The following PTPRD variants were observed in gnomAD, a reference collection of about 807,000 sequenced individuals.
PTPRD encodes the protein receptor-type tyrosine-protein phosphatase delta.
PTPRD carries 34 observed loss-of-function variants against 214.5 expected under a neutral mutation model. The observed-to-expected ratio is 0.16, with a 90% CI of 0.12 to 0.21. The LOEUF is 0.21. PTPRD is among the 10% of genes least tolerant of loss of function. The pLI, the probability that PTPRD is intolerant of heterozygous loss-of-function variation, is 1.00. For missense variants in PTPRD, 2,545 were observed against 2,398.7 expected, an observed-to-expected ratio of 1.06 and a Z score of -1.27; for synonymous variants, 1,128 against 845.7, an observed-to-expected ratio of 1.33 and a Z score of -5.79.
At chr9:9,355,664 G>C (rs2053482249) in intron 9 of PTPRD, among the ~76,000 whole-genome samples, 1 of 151,488 alleles carries the variant, frequency 6.6e-6, no homozygotes, top group Admixed American at 6.6e-5. Context: ...GATTTCATGA[G>C]AAAGACAGGG....
At chr9:9,454,377 G>C (rs2092691483) in intron 8 of PTPRD, among the ~76,000 whole-genome samples, 1 of 151,690 alleles carries the variant, frequency 6.6e-6, no homozygotes, top group Non-Finnish European at 1.5e-5. Context: ...AGTATGAGTT[G>C]GCTCTAGCAT....
intron 2 of PTPRD, among the ~76,000 whole-genome samples, chr9:10,478,479 G>C (rs1589084958): frequency 6.6e-6 from 1 of 152,028 alleles, no homozygotes; most frequent in Non-Finnish European, 1.5e-5. Context: ...CCTTTAATTA[G>C]ACTCCTGCCT....
rs369418736 is a variant in PTPRD at position 10,253,730 on chromosome 9, C to A, written c.-545+87233G>T. 3.6e-3 allele frequency among the ~76,000 whole-genome samples: 547 copies of A among 152,146 alleles called. 2 individuals are homozygous for A. Among genetic ancestry groups the A allele is most frequent in the African/African-American group, 0.013 (522 of 41,510 alleles). The stretch of plus-strand genomic sequence containing the variant: ...AAAGAGAAGTTTACTGCATTAAATA[C>A]ATTGATGAAAAAAATGATTTTTTAA... On this transcript the variant is annotated intron_variant, in intron 3 of 45. Coordinates refer to ENST00000381196, the MANE Select transcript of PTPRD (RefSeq NM_002839.4).
intron 10 of PTPRD, among the ~76,000 whole-genome samples, chr9:9,114,790 C>T (rs76892322): frequency 0.015 from 2,266 of 152,060 alleles, 42 homozygotes; most frequent in East Asian, 0.069. Context: ...GGCTTTGAAA[C>T]GGGTCCCAGT....
intron 14 of PTPRD, among the ~76,000 whole-genome samples, chr9:8,630,591 A>G (rs549769810): frequency 6.6e-6 from 1 of 151,998 alleles, no homozygotes; most frequent in Non-Finnish European, 1.5e-5. Context: ...TGAAAGTTCT[A>G]AAACTGCTCA....
At chr9:9,190,770 G>C (rs1000067651) in intron 9 of PTPRD, among the ~76,000 whole-genome samples, 10 of 152,106 alleles carry the variant, frequency 6.6e-5, no homozygotes, top group South Asian at 2.1e-4. Flanking sequence ...ACCCATGATA[G>C]ATAAGTGGTG....
intron 2 of PTPRD, among the ~76,000 whole-genome samples, chr9:10,494,293 T>C (rs997099578): frequency 5.3e-5 from 8 of 151,912 alleles, no homozygotes; most frequent in Non-Finnish European, 8.8e-5. Flanking sequence ...TCAAATTCTC[T>C]GATTACATGC....
intron 6 of PTPRD, among the ~76,000 whole-genome samples, chr9:9,752,565 T>C (rs557698540): frequency 1.6e-4 from 24 of 152,110 alleles, no homozygotes; most frequent in African/African-American, 5.5e-4. Context: ...TTTTAAATTA[T>C]CAGAACTCCA....
chr9:9,460,913 T>C (rs2093598753), intron 8 of PTPRD, among the ~76,000 whole-genome samples: 1 of 152,022 alleles, frequency 6.6e-6, no homozygotes, highest in South Asian at 2.1e-4. Flanking sequence ...CAAAGTCATG[T>C]AAGCAACCTA....
At chr9:9,512,343 T>C (rs2096729433) in intron 8 of PTPRD, among the ~76,000 whole-genome samples, 1 of 151,840 alleles carries the variant, frequency 6.6e-6, no homozygotes, top group Non-Finnish European at 1.5e-5. Flanking sequence ...GGGTAAAAGG[T>C]TATTTTTAAA....
intron 2 of PTPRD, among the ~76,000 whole-genome samples, chr9:10,438,102 A>G (rs1347811481): frequency 6.7e-6 from 1 of 149,822 alleles, no homozygotes; most frequent in African/African-American, 2.5e-5. Flanking sequence ...TCAAAATAAC[A>G]TATTTACTAA....
intron 11 of PTPRD, chr9:8,861,575 G>T (rs115520854): frequency 6.6e-6 from 1 of 152,154 alleles, no homozygotes; most frequent in African/African-American, 2.4e-5. Context: ...GAAACAGGAC[G>T]AGAGAGGATA....
rs142690221 is a variant in PTPRD at position 9,650,695 on chromosome 9, G to A, written c.-286-75914C>T. Among the ~76,000 whole-genome samples, 265 of 151,966 alleles carry A rather than the reference G, an allele frequency of 1.7e-3. 1 individual carries two copies. Among genetic ancestry groups the A allele is most frequent in the Non-Finnish European group, 3.1e-3 (210 of 67,960 alleles). Reference sequence around the variant, plus strand: ...AACGAGTACTAGGCTTAATACCTGGGTGATTAAATAATCTGTACAACAAAT... The same window carrying A: ...AACGAGTACTAGGCTTAATACCTGGATGATTAAATAATCTGTACAACAAAT... On this transcript the variant is annotated intron_variant, in intron 7 of 45. Transcript: ENST00000381196.
chr9:9,749,600 T>C (rs1002462927), intron 6 of PTPRD, among the ~76,000 whole-genome samples: 3 of 152,166 alleles, frequency 2.0e-5, no homozygotes, highest in Non-Finnish European at 4.4e-5. Flanking sequence ...CAATATTCTA[T>C]AGACAATCCA....
At chr9:9,702,277 G>T (rs1405775182) in intron 7 of PTPRD, among the ~76,000 whole-genome samples, 2 of 152,190 alleles carry the variant, frequency 1.3e-5, no homozygotes, top group African/African-American at 4.8e-5. Context: ...AATCTAAAGA[G>T]AACTTTGGTT....
intron 6 of PTPRD, among the ~76,000 whole-genome samples, chr9:9,735,529 A>C (rs1293985677): frequency 1.3e-5 from 2 of 152,102 alleles, no homozygotes; most frequent in Non-Finnish European, 2.9e-5. Flanking sequence ...TTACTGTCAG[A>C]AAATTTAAAT....
At chr9:9,142,145 G>C (rs1184160678) in intron 10 of PTPRD, among the ~76,000 whole-genome samples, 8 of 152,238 alleles carry the variant, frequency 5.3e-5, no homozygotes, top group Admixed American at 1.3e-4. Context: ...TTGTGGACAG[G>C]TGCTCTTTGA....
chr9:10,567,131 T>C (rs2065878427), intron 2 of PTPRD, among the ~76,000 whole-genome samples: 1 of 152,094 alleles, frequency 6.6e-6, no homozygotes, highest in Admixed American at 6.6e-5. Context: ...ACATATTGTC[T>C]CTCTCAGTGA....
intron 10 of PTPRD, among the ~76,000 whole-genome samples, chr9:9,028,284 A>C (rs1329377193): frequency 6.6e-6 from 1 of 151,944 alleles, no homozygotes; most frequent in South Asian, 2.1e-4. Context: ...CCGTAATACT[A>C]TTATGCTCAC....
Sources: gnomAD v4.1 joint callset for allele counts (sites outside exome capture counted in the v4.1 genomes callset) on GRCh38, gnomAD v4.1.1 for gene constraint, MANE v1.5 for transcripts, NCBI Gene and HGNC (gene_info 2026-07-23, HGNC 2026-07-21) for gene names.